KRT7: variants seen among roughly 807,000 people sequenced by gnomAD.
KRT7 encodes keratin, type II cytoskeletal 7.
In KRT7, 50 loss-of-function variants were observed where a neutral mutation model predicts 42.8. The ratio of observed to expected loss-of-function variants is 1.17; its 90% confidence interval spans 0.93 to 1.48. KRT7 has a LOEUF of 1.48. Among genes scored for constraint, KRT7 ranks in the 40% most tolerant of loss-of-function variants. The pLI is 0.00. For synonymous variants in KRT7, 268 were observed against 266.3 expected, an observed-to-expected ratio of 1.01 and a Z score of -0.06; for missense variants, 588 against 637.6, an observed-to-expected ratio of 0.92 and a Z score of 0.84.
In KRT7 at chr12:52,245,507, C is replaced by T. The variant is rs1317676301; in HGVS notation, c.1080C>T (p.Ala360=). Reference sequence around the variant, plus strand: ...CCAAGCAGGAGGAGCTGGAAGCCGCCCTGCAGCGGGGCAAGCAGGATATGG... The same window carrying T: ...CCAAGCAGGAGGAGCTGGAAGCCGCTCTGCAGCGGGGCAAGCAGGATATGG... ...ARAKQEELEA[A]LQRGKQDMAR... is the part of the protein sequence containing the mutation. The change falls in exon 7 of 9, where the codon GCC becomes GCT. Residue 360 remains alanine, a synonymous_variant. Transcript: ENST00000331817. 2 of 1,613,910 alleles carry T rather than the reference C, an allele frequency of 1.2e-6. No individual in the cohort carries two copies. Among genetic ancestry groups the T allele is most frequent in the Non-Finnish European group, 1.7e-6 (2 of 1,179,896 alleles).
At position 52,237,453 on chromosome 12, in the gene KRT7, G is replaced by T. The variant is rs551497452; in HGVS notation, c.537-56G>T. On this transcript the variant is annotated intron_variant, in intron 2 of 8. Transcript: ENST00000331817. ...ATTTCACAGCTGCATATGGCGGAGG[G>T]GGGACGGGAGCATGGAGGCAAAGCT... is the stretch of plus-strand genomic sequence containing the variant. 2.3e-6 allele frequency: 3 copies of T among 1,298,752 alleles called. No homozygotes were observed. The East Asian group carries it at 7.2e-5, about 31-fold the overall frequency. The allele number at this position is 1,298,752 out of a possible 1,614,324, so 80.5% of individuals were successfully genotyped here.
intron 3 of KRT7, among the ~76,000 whole-genome samples, chr12:52,238,335 G>A (rs1942038260): frequency 6.6e-6 from 1 of 152,306 alleles, no homozygotes; most frequent in Non-Finnish European, 1.5e-5. Context: ...ACTGACTGAC[G>A]AAAAGTTGAG....
chr12:52,234,941 C>G (rs1440796985), intron 1 of KRT7, among the ~76,000 whole-genome samples: 1 of 152,190 alleles, frequency 6.6e-6, no homozygotes, highest in Non-Finnish European at 1.5e-5. Flanking sequence ...GAGTCAACCA[C>G]GGGGCACTTC....
downstream of KRT7, among the ~76,000 whole-genome samples, chr12:52,255,703 G>A (rs1437571032): frequency 6.6e-6 from 1 of 152,108 alleles, no homozygotes; most frequent in Non-Finnish European, 1.5e-5. Context: ...TTTGGGGCAG[G>A]AACCCTGCCC....
intron 6 of KRT7, among the ~76,000 whole-genome samples, chr12:52,244,764 C>T (rs1942143787): frequency 6.6e-6 from 1 of 152,156 alleles, no homozygotes; most frequent in Non-Finnish European, 1.5e-5. Context: ...GGCAGCTGCT[C>T]CAGGCAGGCA....
chr12:52,252,129 A>G (rs1317278657), downstream of KRT7: 3 of 1,191,400 alleles, frequency 2.5e-6, no homozygotes, highest in East Asian at 5.0e-5. Flanking sequence ...TTAACCTGCA[A>G]ATTCTCTCCT....
intron 2 of KRT7, 134 bp from the exon 3 acceptor site, chr12:52,237,375 C>A: frequency 1.7e-6 from 1 of 589,386 alleles, no homozygotes; most frequent in Non-Finnish European, 2.9e-6. Flanking sequence ...TTGTAGCTGA[C>A]ACCTGTTTTT....
downstream of KRT7, chr12:52,253,088 G>A (rs1428374504): frequency 3.4e-6 from 3 of 889,982 alleles, no homozygotes; most frequent in East Asian, 2.5e-5. Context: ...GGAGGAGGCT[G>A]TCTGTCCTCA....
rs1231436813 is a variant in KRT7 at position 52,242,998 on chromosome 12, T to C, written c.859-14T>C. ...CCCATCTCTCTGCCATAACTCTCTG[T>C]ATGGCCCCTCCAGTTTGAGACCCTC... On this transcript the variant is annotated splice_polypyrimidine_tract_variant and intron_variant, in intron 5 of 8. Transcript: ENST00000331817. The C allele has an allele frequency of 1.2e-6, 2 of 1,608,278 alleles. No homozygotes were observed. Among genetic ancestry groups the C allele is most frequent in the South Asian group, 1.1e-5 (1 of 90,012 alleles).
Position 52,233,403 on chromosome 12 carries a change from G to A in KRT7, c.107G>A (p.Ser36Asn). Residue 36 changes from serine (S) to asparagine (N), a missense_variant, in exon 1 of 9, where the codon AGC becomes AAC. By Grantham distance (46) the Ser-to-Asn change is conservative. Coordinates refer to ENST00000331817, the MANE Select transcript of KRT7 (RefSeq NM_005556.4). ...TCCGCTCGCCCCGGCGGCCTTGGCA[G>A]CAGCAGCCTCTACGGCCTCGGCGCC... ...LSSARPGGLG[S>N]SSLYGLGASR... 6.4e-7 allele frequency: 1 copy of A among 1,564,554 alleles called. No homozygotes were observed. Among genetic ancestry groups the A allele is most frequent in the African/African-American group, 1.4e-5 (1 of 70,018 alleles).
downstream of KRT7, chr12:52,254,237 C>T (rs1437684153): frequency 2.7e-6 from 2 of 739,556 alleles, no homozygotes; most frequent in South Asian, 1.3e-5. Flanking sequence ...CTCATATCCT[C>T]CTTGCTGCCC....
At chr12:52,237,480 C>A in intron 2 of KRT7, 29 bp from the exon 3 acceptor site, 1 of 1,557,892 alleles carries the variant, frequency 6.4e-7, no homozygotes, top group Non-Finnish European at 8.8e-7. Flanking sequence ...GGCAAAGCTG[C>A]ATCAACACCA....
chr12:52,253,076 A>G (rs1369067266), downstream of KRT7: 3 of 822,082 alleles, frequency 3.6e-6, no homozygotes, highest in South Asian at 1.5e-5. Flanking sequence ...AACGTTTTCC[A>G]TGGAGGAGGC....
downstream of KRT7, chr12:52,255,553 TC>T: frequency 2.5e-6 from 1 of 400,316 alleles, no homozygotes; most frequent in Non-Finnish European, 5.0e-6. Context: ...AACTTGTCCA[TC>T]CCTTTCTTCT....
In KRT7 at chr12:52,243,096, A is replaced by G. The variant is rs1942117938; in HGVS notation, c.943A>G (p.Ile315Val). ...RNEISEMNRA[I>V]QRLQAEIDNI... ...TGAGATTTCAGAGATGAACCGGGCC[A>G]TCCAGAGGCTGCAGGCTGAGATCGA... Residue 315 changes from isoleucine (I) to valine (V), a missense_variant, in exon 6 of 9, where the codon ATC becomes GTC. Transcript: ENST00000331817. 2 of 1,613,698 alleles carry G rather than the reference A, an allele frequency of 1.2e-6. No individual in the cohort carries two copies. Among genetic ancestry groups the G allele is most frequent in the African/African-American group, 1.3e-5 (1 of 74,888 alleles).
chr12:52,233,592 A>T lies in KRT7; in HGVS notation c.296A>T (p.Asn99Ile). The change falls in exon 1 of 9, where the codon AAC (asparagine) becomes ATC (isoleucine). Residue 99 changes from asparagine (N) to isoleucine (I), a missense_variant. Asn to Ile is a moderately radical substitution (Grantham distance 149). Coordinates refer to ENST00000331817, the MANE Select transcript of KRT7 (RefSeq NM_005556.4). Reference sequence around the variant, plus strand: ...GAGAGCGAGCAGATCAAGACCCTCAACAACAAGTTTGCCTCCTTCATCGAC... The same window carrying T: ...GAGAGCGAGCAGATCAAGACCCTCATCAACAAGTTTGCCTCCTTCATCGAC... ...QEESEQIKTL[N>I]NKFASFIDKV... 1 of 1,612,942 alleles carries T rather than the reference A, an allele frequency of 6.2e-7. No homozygotes were observed. The highest frequency in any genetic ancestry group is 8.5e-7 in the Non-Finnish European group (1 of 1,179,724).
chr12:52,235,127 T>C lies in KRT7; in HGVS notation c.325-28T>C, dbSNP rs545879918. The C allele has an allele frequency of 2.1e-5, 34 of 1,611,112 alleles. No individual in the cohort carries two copies. In the Admixed American group the frequency reaches 3.7e-4, roughly 17 times the overall value. ...GTGGGTGGCACGCTCTGGCTCCTCT[T>C]GAGTTTCCTCCTTCTCGCCCGTTCT... On this transcript the variant is annotated intron_variant, in intron 1 of 8. Transcript: ENST00000331817.
At chr12:52,243,901 T>C (rs1942131457) in intron 6 of KRT7, among the ~76,000 whole-genome samples, 1 of 152,256 alleles carries the variant, frequency 6.6e-6, no homozygotes, top group Non-Finnish European at 1.5e-5. Context: ...GTCTGTCTGG[T>C]TCACTGCTCC....
At chr12:52,247,064 G>A (rs1477581840) in intron 7 of KRT7, 1 of 152,174 alleles carries the variant, frequency 6.6e-6, no homozygotes, top group African/African-American at 2.4e-5. Flanking sequence ...GGGGGATATG[G>A]AGGTAGATAC....
Sources: gnomAD v4.1 joint callset for allele counts (sites outside exome capture counted in the v4.1 genomes callset) on GRCh38, gnomAD v4.1.1 for gene constraint, MANE v1.5 for transcripts, NCBI Gene and HGNC (gene_info 2026-07-23, HGNC 2026-07-21) for gene names.